The following CD200R1 variants were observed in gnomAD, a reference collection of about 807,000 sequenced individuals.
CD200R1 encodes the protein CD200 receptor 1, also known as cell surface glycoprotein CD200 receptor 1.
A neutral mutation model predicts 38.1 loss-of-function variants in CD200R1; 30 were observed. The ratio of observed to expected loss-of-function variants is 0.79; its 90% CI spans 0.59 to 1.07. CD200R1 has a LOEUF of 1.07. Ranked by LOEUF, CD200R1 falls within the 50% of genes least tolerant of loss-of-function variation. The pLI, the probability that CD200R1 is intolerant of heterozygous loss-of-function variation, is 0.00. For missense variants in CD200R1, 372 were observed against 415.4 expected, an observed-to-expected ratio of 0.90 and a Z score of 0.91; for synonymous variants, 128 against 152.1, an observed-to-expected ratio of 0.84 and a Z score of 1.16.
At chr3:112,935,696 C>A (rs1940559618) in intron 2 of CD200R1, among the ~76,000 whole-genome samples, 1 of 151,988 alleles carries the variant, frequency 6.6e-6, no homozygotes, top group South Asian at 2.1e-4. Flanking sequence ...TAAACTGAAC[C>A]CAAAATTAGT....
chr3:112,952,682 T>A (rs1274848047), intron 1 of CD200R1, among the ~76,000 whole-genome samples: 1 of 152,156 alleles, frequency 6.6e-6, no homozygotes, highest in Non-Finnish European at 1.5e-5. Context: ...ATATACCTAA[T>A]GCTACATGAC....
chr3:112,932,765 C>A (rs1419958690), intron 2 of CD200R1, among the ~76,000 whole-genome samples: 11 of 152,132 alleles, frequency 7.2e-5, no homozygotes, highest in African/African-American at 2.7e-4. Flanking sequence ...GGCAGATCCA[C>A]TCCCAGTGGA....
chr3:112,952,225 ATC>A (rs1436725109), intron 1 of CD200R1, among the ~76,000 whole-genome samples: 6 of 152,108 alleles, frequency 3.9e-5, no homozygotes, highest in South Asian at 2.1e-4. Context: ...GGTTAAATTT[ATC>A]TCTTAGTATT....
At chr3:112,955,383 A>T (rs144818434) in intron 1 of CD200R1, among the ~76,000 whole-genome samples, 9 of 152,188 alleles carry the variant, frequency 5.9e-5, no homozygotes, top group African/African-American at 2.2e-4. Flanking sequence ...CTTCAGATCT[A>T]TTAATACTTG....
intron 2 of CD200R1, 52 bp from the exon 3 acceptor site, chr3:112,931,223 T>G (rs769992102): frequency 1.8e-6 from 2 of 1,120,216 alleles, no homozygotes; most frequent in Non-Finnish European, 1.4e-6. Flanking sequence ...GTACTCAGAG[T>G]GGAAGCCAGT....
intron 2 of CD200R1, among the ~76,000 whole-genome samples, chr3:112,932,040 C>G (rs1940454744): frequency 1.3e-5 from 2 of 152,196 alleles, no homozygotes; most frequent in Non-Finnish European, 2.9e-5. Flanking sequence ...ACAGTCCTCA[C>G]AAGCCCTGAG....
chr3:112,936,169 T>C (rs1940574904), intron 2 of CD200R1, among the ~76,000 whole-genome samples: 2 of 152,252 alleles, frequency 1.3e-5, no homozygotes, highest in Admixed American at 6.5e-5. Context: ...TTTCATGGTA[T>C]ATATGTACCA....
In CD200R1 at chr3:112,957,262, T is replaced by C. The variant is rs1056531150; in HGVS notation, c.68-9338A>G. ...TTTCTTTAGCTCTTGTTAAGGTATT[T>C]TCATGTGCAAATAGTTGTTCAAATT... On this transcript the variant is annotated intron_variant, in intron 1 of 7. Transcript: ENST00000308611. Among the ~76,000 whole-genome samples, 9 of 152,366 alleles carry C rather than the reference T, an allele frequency of 5.9e-5. 1 individual carries two copies. Among genetic ancestry groups the C allele is most frequent in the Middle Eastern group, 6.8e-3 (2 of 294 alleles).
chr3:112,962,273 T>C (rs1933041761), intron 1 of CD200R1, among the ~76,000 whole-genome samples: 1 of 152,172 alleles, frequency 6.6e-6, no homozygotes, highest in South Asian at 2.1e-4. Flanking sequence ...AGGCAGATGT[T>C]GTGTAAATGT....
intron 1 of CD200R1, among the ~76,000 whole-genome samples, chr3:112,952,556 T>A (rs1940990237): frequency 6.6e-6 from 1 of 151,968 alleles, no homozygotes; most frequent in South Asian, 2.1e-4. Context: ...AAACACCGCA[T>A]ATTCTCACTC....
At chr3:112,951,180 G>C (rs1198092860) in intron 1 of CD200R1, among the ~76,000 whole-genome samples, 1 of 151,812 alleles carries the variant, frequency 6.6e-6, no homozygotes, top group African/African-American at 2.4e-5. Flanking sequence ...GGAAGGAAGG[G>C]TCATTCATAT....
At chr3:112,942,339 G>C (rs9834353) in intron 2 of CD200R1, among the ~76,000 whole-genome samples, 1 of 151,302 alleles carries the variant, frequency 6.6e-6, no homozygotes, top group African/African-American at 2.4e-5. Context: ...GGACTATTTT[G>C]TTATTGCAAG....
At chr3:112,925,753 T>C (rs1374337067) in intron 5 of CD200R1, among the ~76,000 whole-genome samples, 1 of 152,092 alleles carries the variant, frequency 6.6e-6, no homozygotes, top group African/African-American at 2.4e-5. Context: ...CTAAAACTGC[T>C]CTAAAAATTA....
intron 1 of CD200R1, among the ~76,000 whole-genome samples, chr3:112,962,825 T>C (rs1022405024): frequency 7.2e-5 from 11 of 152,192 alleles, no homozygotes; most frequent in African/African-American, 2.4e-4. Context: ...CTTGGAGGCA[T>C]TGCACTTTAC....
At chr3:112,958,296 C>T (rs75865773) in intron 1 of CD200R1, among the ~76,000 whole-genome samples, 4,325 of 152,110 alleles carry the variant, frequency 0.028, 193 homozygotes, top group East Asian at 0.21. Flanking sequence ...CAAAGGAATA[C>T]GACTCAATAG....
intron 2 of CD200R1, among the ~76,000 whole-genome samples, chr3:112,931,981 C>T (rs1157565698): frequency 1.3e-5 from 2 of 152,108 alleles, no homozygotes; most frequent in South Asian, 4.1e-4. Flanking sequence ...AGCAGAAGAA[C>T]CCCACCAGCC....
intron 3 of CD200R1, 113 bp downstream of exon 3, chr3:112,930,993 A>G: frequency 2.7e-6 from 2 of 732,450 alleles, no homozygotes; most frequent in Non-Finnish European, 4.9e-6. Context: ...TCAGATCACC[A>G]AGTTCTTCAA....
rs1940183408 is a variant in CD200R1 at position 112,922,201 on chromosome 3, G to A, written c.*1476C>T. On this transcript the variant is annotated 3_prime_UTR_variant, in exon 8 of 8. Transcript: ENST00000308611. ...AAAAATATACTTATAAGACAAAATA[G>A]CTGTCTTAAAAATCTCAGATGGTAT... The A allele has an allele frequency of 1.3e-5, 2 of 151,906 alleles. No homozygotes were observed. Among genetic ancestry groups the A allele is most frequent in the South Asian group, 4.1e-4 (2 of 4,822 alleles). The allele number at this position is 151,906 out of a possible 1,614,324, so 9.4% of individuals were successfully genotyped here. A position where few individuals can be genotyped will look rare whatever the true frequency, so the allele number is the denominator to read the frequency against.
intron 1 of CD200R1, among the ~76,000 whole-genome samples, chr3:112,969,612 C>T (rs2107348333): frequency 6.6e-6 from 1 of 152,268 alleles, no homozygotes; most frequent in South Asian, 2.1e-4. Context: ...CAGGGGAGCC[C>T]ATATCCAACG....
Sources: allele counts gnomAD v4.1 joint callset (sites outside exome capture counted in the v4.1 genomes callset), GRCh38; gene constraint gnomAD v4.1.1; transcripts MANE v1.5; gene names NCBI Gene and HGNC (gene_info 2026-07-23, HGNC 2026-07-21).